Variants in ZCCHC8 observed in about 807,000 individuals in gnomAD.
ZCCHC8 encodes zinc finger CCHC-type containing 8, also known as zinc finger CCHC domain-containing protein 8.
A neutral mutation model predicts 70.6 loss-of-function variants in ZCCHC8; 27 were observed. The ratio of observed to expected loss-of-function variants is 0.38; its 90% CI spans 0.28 to 0.53. ZCCHC8 has a LOEUF of 0.53. ZCCHC8 is among the 20% of genes least tolerant of loss of function. ZCCHC8 has a pLI of 0.81. For synonymous variants in ZCCHC8, 293 were observed against 317.4 expected (o/e 0.92, Z 0.82); for missense variants, 737 against 876.9 (o/e 0.84, Z 2.01).
chr12:122,492,585 A>G (rs1957766693), intron 3 of ZCCHC8, 130 bp downstream of exon 3: 4 of 665,250 alleles, frequency 6.0e-6, no homozygotes, highest in Non-Finnish European at 1.0e-5. Context: ...GATTCCTTGT[A>G]CTTTAACTCC....
At chr12:122,487,433 A>G (rs551697980) in intron 5 of ZCCHC8, among the ~76,000 whole-genome samples, 3 of 152,366 alleles carry the variant, frequency 2.0e-5, no homozygotes, top group East Asian at 1.9e-4. Flanking sequence ...AAACTACCTC[A>G]TTCAAATTCA....
In ZCCHC8 at chr12:122,471,808, A is replaced by G. The variant is rs138620860; in HGVS notation, c.*1689T>C. On this transcript the variant is annotated 3_prime_UTR_variant, in exon 14 of 14. Transcript: ENST00000633063. ...TGAAAGCTATATCTGGAATGTTTCT[A>G]TTTTGCTCCCCCTGTTGGCCTGAGA... 1 of 152,244 alleles carries G rather than the reference A, an allele frequency of 6.6e-6. No homozygotes were observed. The highest frequency in any genetic ancestry group is 1.9e-4 in the East Asian group (1 of 5,188). The allele number at this position is 152,244 out of a possible 1,614,324, so 9.4% of individuals were successfully genotyped here.
chr12:122,478,587 G>C (rs1288066994), intron 11 of ZCCHC8: 2 of 280,800 alleles, frequency 7.1e-6, no homozygotes, highest in Non-Finnish European at 1.3e-5. Flanking sequence ...GGGCCTCCCA[G>C]GCTCCAGTCT....
At position 122,483,823 on chromosome 12, in the gene ZCCHC8, T is replaced by C. The variant is rs1311715513; in HGVS notation, c.502-260A>G. On this transcript the variant is annotated intron_variant, in intron 5 of 13. Coordinates refer to ENST00000633063, the MANE Select transcript of ZCCHC8 (RefSeq NM_017612.5). The surrounding 1 kb of genome is among the most constrained non-coding windows in gnomAD (Gnocchi z 4.4). ...TTCTCTACAGAATTCAAACAAAAAATGAAAACCTTGACTCTCATATTTCCC... is the reference window on the plus strand; with the variant it reads ...TTCTCTACAGAATTCAAACAAAAAACGAAAACCTTGACTCTCATATTTCCC... 2 of 346,984 alleles carry C rather than the reference T, an allele frequency of 5.8e-6. No homozygotes were observed. Among genetic ancestry groups the C allele is most frequent in the East Asian group, 5.7e-5 (1 of 17,662 alleles). 21.5% of individuals were successfully genotyped at this position (346,984 alleles called of 1,614,324 possible). A position where few individuals can be genotyped will look rare whatever the true frequency, so the allele number is the denominator to read the frequency against.
chr12:122,482,520 G>A lies in ZCCHC8; in HGVS notation c.732+115C>T, dbSNP rs960387458. ...AAAGATTTCAAATTAAAGGACACAA[G>A]ATTTCAAATTAAAGGAACAAAGAAA... is the stretch of plus-strand genomic sequence containing the variant. On this transcript the variant is annotated intron_variant, in intron 8 of 13. Coordinates refer to ENST00000633063, the MANE Select transcript of ZCCHC8 (RefSeq NM_017612.5). 8.8e-6 allele frequency: 6 copies of A among 683,812 alleles called. No individual in the cohort carries two copies. In the East Asian group the frequency reaches 1.8e-4, roughly 21 times the overall value. The allele number at this position is 683,812 out of a possible 1,614,324, so 42.4% of individuals were successfully genotyped here. A position where few individuals can be genotyped will look rare whatever the true frequency, so the allele number is the denominator to read the frequency against.
intron 2 of ZCCHC8, among the ~76,000 whole-genome samples, chr12:122,493,901 C>G (rs1201214418): frequency 6.6e-6 from 1 of 152,192 alleles, no homozygotes; most frequent in Non-Finnish European, 1.5e-5. Context: ...GCGTGAGCCA[C>G]CGCGCCCAGC....
At chr12:122,496,299 T>C (rs1355601880) in intron 2 of ZCCHC8, among the ~76,000 whole-genome samples, 1 of 152,210 alleles carries the variant, frequency 6.6e-6, no homozygotes, top group African/African-American at 2.4e-5. Context: ...TCCTTGGTTT[T>C]CTGTACAACA....
At chr12:122,494,279 C>A (rs1351796292) in intron 2 of ZCCHC8, among the ~76,000 whole-genome samples, 2 of 152,022 alleles carry the variant, frequency 1.3e-5, no homozygotes, top group African/African-American at 2.4e-5. Context: ...AGAGGCTGGG[C>A]GCAGTGGCTC....
Position 122,473,482 on chromosome 12 carries a change from T to C in ZCCHC8, c.*15A>G. Reference sequence around the variant, plus strand: ...AACAAAGTTATTAAATAGCTCTCAGTGCTAAGTCAAGCCATTATTCAGAGG... The same window carrying C: ...AACAAAGTTATTAAATAGCTCTCAGCGCTAAGTCAAGCCATTATTCAGAGG... On this transcript the variant is annotated 3_prime_UTR_variant, in exon 14 of 14. Coordinates refer to ENST00000633063, the MANE Select transcript of ZCCHC8 (RefSeq NM_017612.5). 6.2e-7 allele frequency: 1 copy of C among 1,611,028 alleles called. No homozygotes were observed. Among genetic ancestry groups the C allele is most frequent in the East Asian group, 2.2e-5 (1 of 44,864 alleles).
chr12:122,491,961 G>T (rs1298517207), intron 3 of ZCCHC8, among the ~76,000 whole-genome samples: 2 of 152,166 alleles, frequency 1.3e-5, no homozygotes, highest in African/African-American at 4.8e-5. Flanking sequence ...GCCCAGTTGT[G>T]CCCAGCACCT....
At chr12:122,492,081 A>C (rs1957756203) in intron 3 of ZCCHC8, 1 of 152,388 alleles carries the variant, frequency 6.6e-6, no homozygotes, top group Non-Finnish European at 1.5e-5. Context: ...AGAAGACAAC[A>C]ATATGACTAA....
chr12:122,481,843 C>G, intron 9 of ZCCHC8, 102 bp downstream of exon 9: 1 of 1,446,986 alleles, frequency 6.9e-7, no homozygotes, highest in Non-Finnish European at 9.2e-7. Context: ...TAGGGCTTTG[C>G]CAGAGTACAC....
At position 122,490,542 on chromosome 12, in the gene ZCCHC8, A is replaced by G; in HGVS notation, c.343T>C (p.Phe115Leu). The change falls in exon 4 of 14, where the codon TTT (phenylalanine) becomes CTT (leucine). Residue 115 changes from phenylalanine to leucine, a missense_variant. Physicochemically the swap from Phe to Leu is conservative, Grantham distance 22 (BLOSUM62 0). Coordinates refer to ENST00000633063, the MANE Select transcript of ZCCHC8 (RefSeq NM_017612.5). ...AATCTTTTTACTAAATTTGATACAAATTCCTCTATTTCTTGATGATATTGC... is the reference window on the plus strand; with the variant it reads ...AATCTTTTTACTAAATTTGATACAAGTTCCTCTATTTCTTGATGATATTGC... ...SKQYHQEIEE[F>L]VSNLVKRFEE... is the part of the protein sequence containing the mutation. 1 of 1,609,640 alleles carries G rather than the reference A, an allele frequency of 6.2e-7. No homozygotes were observed. Among genetic ancestry groups the G allele is most frequent in the Non-Finnish European group, 8.5e-7 (1 of 1,177,674 alleles).
chr12:122,474,611 AT>A (rs1429094827), intron 13 of ZCCHC8, among the ~76,000 whole-genome samples: 1 of 152,136 alleles, frequency 6.6e-6, no homozygotes, highest in South Asian at 2.1e-4. Flanking sequence ...CTACCCAAAA[AT>A]TTGTGGCAGA....
intron 2 of ZCCHC8, among the ~76,000 whole-genome samples, chr12:122,494,253 G>A (rs188131775): frequency 5.9e-5 from 9 of 152,134 alleles, no homozygotes; most frequent in Admixed American, 4.6e-4. Flanking sequence ...TCCATATCAA[G>A]TAAAGAAATA....
chr12:122,477,603 T>G (rs1365644010), intron 13 of ZCCHC8, among the ~76,000 whole-genome samples: 1 of 139,922 alleles, frequency 7.1e-6, no homozygotes, highest in Non-Finnish European at 1.6e-5. Flanking sequence ...GTCAAGATGG[T>G]GAAACCCTGT....
chr12:122,496,723 C>A (rs1232249540), intron 2 of ZCCHC8, among the ~76,000 whole-genome samples: 2 of 152,136 alleles, frequency 1.3e-5, no homozygotes, highest in Non-Finnish European at 2.9e-5. Context: ...TGGTCTCCCA[C>A]TTCTGGTCTC....
rs1957544194 is a variant in ZCCHC8, at chr12:122,482,002, C to T, written c.818G>A (p.Arg273Gln). ...GEANNQNFQQ[R>Q]YHAEEVEERF... Reference sequence around the variant, plus strand: ...TTCTTCTACTTCTTCTGCGTGGTATCGCTGCTGGAAATTCTGATTGTTTGC... The same window carrying T: ...TTCTTCTACTTCTTCTGCGTGGTATTGCTGCTGGAAATTCTGATTGTTTGC... The change falls in exon 9 of 14, where the codon CGA becomes CAA. Residue 273 changes from arginine (R) to glutamine (Q), a missense_variant. Physicochemically the swap from Arg to Gln is conservative, Grantham distance 43 (BLOSUM62 1). Transcript: ENST00000633063. 3 of 1,613,298 alleles carry T rather than the reference C, an allele frequency of 1.9e-6. No homozygotes were observed. The highest frequency in any genetic ancestry group is 1.3e-5 in the African/African-American group (1 of 74,924).
Position 122,500,836 on chromosome 12 carries a change from G to T in ZCCHC8, c.5C>A (p.Ala2Asp). The T allele has an allele frequency of 6.4e-7, 1 of 1,566,988 alleles. No individual in the cohort carries two copies. The highest frequency in any genetic ancestry group is 2.4e-5 in the East Asian group (1 of 42,046). MAAEVYFGDLEL... is the reference protein window; with the variant it reads MDAEVYFGDLEL... ...TAGATCGCCAAAATACACCTCTGCG[G>T]CCATTTTGGGCTGTGGAAAAGATTC... The change falls in exon 1 of 14, where the codon GCC (alanine) becomes GAC (aspartate). Residue 2 changes from alanine (A) to aspartate (D), a missense_variant. Transcript: ENST00000633063. The surrounding 1 kb of genome is among the most constrained non-coding windows in gnomAD (Gnocchi z 4.8).
Sources: allele counts gnomAD v4.1 joint callset (sites outside exome capture counted in the v4.1 genomes callset), GRCh38; gene constraint gnomAD v4.1.1; non-coding constraint Gnocchi (gnomAD v3.1); transcripts MANE v1.5; gene names NCBI Gene and HGNC (gene_info 2026-07-23, HGNC 2026-07-21).